Variants in AGO2 observed in about 807,000 individuals in gnomAD.
AGO2 encodes the protein argonaute RISC catalytic component 2, also known as protein argonaute-2.
In AGO2, 5 loss-of-function variants were observed where a neutral mutation model predicts 102.3. That is an observed-to-expected ratio of 0.05 (90% confidence interval 0.03 to 0.10). The LOEUF is 0.10. Among genes scored for constraint, AGO2 ranks in the 10% least tolerant of loss-of-function variants. The pLI is 1.00. For synonymous variants in AGO2, 449 were observed against 473.1 expected (o/e 0.95, Z 0.66); for missense variants, 541 against 1,183.7 (o/e 0.46, Z 7.97).
chr8:140,536,953 A>C (rs1324606372), intron 16 of AGO2, among the ~76,000 whole-genome samples: 3 of 152,132 alleles, frequency 2.0e-5, no homozygotes, highest in African/African-American at 7.2e-5. Flanking sequence ...AATTCATCTG[A>C]ATCTACAGAC....
chr8:140,534,888 A>G (rs2072668396), intron 17 of AGO2, among the ~76,000 whole-genome samples: 1 of 152,192 alleles, frequency 6.6e-6, no homozygotes, highest in Non-Finnish European at 1.5e-5. Flanking sequence ...TGCTCCTGTC[A>G]GTGCTCCCAA....
At chr8:140,579,892 G>C (rs1425374429) in intron 2 of AGO2, among the ~76,000 whole-genome samples, 1 of 152,252 alleles carries the variant, frequency 6.6e-6, no homozygotes, top group Non-Finnish European at 1.5e-5. Context: ...CAGCCATGCT[G>C]CCTGGCCCCC....
intron 10 of AGO2, among the ~76,000 whole-genome samples, chr8:140,555,254 C>T (rs773383722): frequency 1.3e-5 from 2 of 152,090 alleles, no homozygotes; most frequent in East Asian, 1.9e-4. Context: ...GGTATGCAAG[C>T]GAGCCCAGGA....
chr8:140,526,125 C>T lies in AGO2; in HGVS notation c.*5919G>A, dbSNP rs2072500974. ...CGTCTGCATTGTCTTTGAAACCATGCAACTATTTTAAATGTATTATTTGCA... is the reference window on the plus strand; with the variant it reads ...CGTCTGCATTGTCTTTGAAACCATGTAACTATTTTAAATGTATTATTTGCA... On this transcript the variant is annotated 3_prime_UTR_variant, in exon 19 of 19. Transcript: ENST00000220592. This position sits in a 1 kb window ranked among gnomAD's most constrained non-coding sequence, Gnocchi z 5.2. 1 of 152,142 alleles carries T rather than the reference C, an allele frequency of 6.6e-6. No homozygotes were observed. The highest frequency in any genetic ancestry group is 6.5e-5 in the Admixed American group (1 of 15,280). The allele number at this position is 152,142 out of a possible 1,614,324, so 9.4% of individuals were successfully genotyped here. A position where few individuals can be genotyped will look rare whatever the true frequency, so the allele number is the denominator to read the frequency against.
chr8:140,547,382 C>A, intron 13 of AGO2, 86 bp downstream of exon 13: 2 of 1,528,256 alleles, frequency 1.3e-6, no homozygotes, highest in Non-Finnish European at 1.8e-6. Flanking sequence ...ACCCTGCCCC[C>A]CTGCCCCCTG....
chr8:140,607,460 A>T (rs1308166914), intron 1 of AGO2, among the ~76,000 whole-genome samples: 42 of 2,364 alleles, frequency 0.018, 2 homozygotes, highest in Admixed American at 0.035. Flanking sequence ...AAGAAAAATT[A>T]TATATATATA....
intron 17 of AGO2, among the ~76,000 whole-genome samples, chr8:140,534,567 C>T (rs1462457443): frequency 6.6e-6 from 1 of 152,250 alleles, no homozygotes; most frequent in African/African-American, 2.4e-5. Flanking sequence ...CAGGCTGGAC[C>T]CGGCCCACAG....
chr8:140,533,729 C>T (rs937026091), intron 17 of AGO2, among the ~76,000 whole-genome samples: 4 of 151,984 alleles, frequency 2.6e-5, no homozygotes, highest in Non-Finnish European at 5.9e-5. Context: ...ATCGCTGGAA[C>T]CCGGGAGGCA....
At chr8:140,538,307 G>A (rs2072732755) in intron 16 of AGO2, among the ~76,000 whole-genome samples, 1 of 152,096 alleles carries the variant, frequency 6.6e-6, no homozygotes, top group Admixed American at 6.5e-5. Flanking sequence ...CTGCCTTCCG[G>A]TCCTCCCTTG....
intron 1 of AGO2, among the ~76,000 whole-genome samples, chr8:140,629,456 C>A (rs1050712559): frequency 6.6e-6 from 1 of 152,146 alleles, no homozygotes; most frequent in East Asian, 1.9e-4. Context: ...ACTTAACAGG[C>A]GAGAAAACTG....
rs532294468 is a variant in AGO2, at chr8:140,552,111, C to A, written c.1270-675G>T. ...CCATGCTACAGGCCTTGCCATGCTA[C>A]AGGAAGGCCTCCTGTTCTATACAGA... is the stretch of plus-strand genomic sequence containing the variant. On this transcript the variant is annotated intron_variant, in intron 10 of 18. Transcript: ENST00000220592. Among the ~76,000 whole-genome samples the A allele has an allele frequency of 7.9e-5, 12 of 152,324 alleles. No individual in the cohort carries two copies. The South Asian group carries it at 2.5e-3, about 32-fold the overall frequency.
At chr8:140,614,850 G>A (rs142004441) in intron 1 of AGO2, among the ~76,000 whole-genome samples, 283 of 152,256 alleles carry the variant, frequency 1.9e-3, no homozygotes, top group Middle Eastern at 3.4e-3. Flanking sequence ...CCGTGCCCTC[G>A]GTAACTGCTG....
chr8:140,565,567 G>A (rs1212985333), intron 3 of AGO2, among the ~76,000 whole-genome samples: 4 of 151,824 alleles, frequency 2.6e-5, no homozygotes, highest in Admixed American at 2.0e-4. Flanking sequence ...TTTGAACCCA[G>A]GAGGTGAAGG....
At chr8:140,616,661 CAG>C (rs2152104537) in intron 1 of AGO2, among the ~76,000 whole-genome samples, 1 of 152,316 alleles carries the variant, frequency 6.6e-6, no homozygotes, top group African/African-American at 2.4e-5. Context: ...GGAGCTGACA[CAG>C]GGGCAGCAGC....
At chr8:140,560,872 T>C (rs1486034557) in intron 4 of AGO2, among the ~76,000 whole-genome samples, 2 of 152,228 alleles carry the variant, frequency 1.3e-5, no homozygotes, top group African/African-American at 4.8e-5. Flanking sequence ...TCTTGGGGCC[T>C]GTGTCCCCAA....
At chr8:140,554,233 G>A (rs1184785649) in intron 10 of AGO2, among the ~76,000 whole-genome samples, 2 of 152,168 alleles carry the variant, frequency 1.3e-5, no homozygotes, top group African/African-American at 2.4e-5. Context: ...GGGGGATCAC[G>A]GGCTCTTCCT....
upstream of AGO2, chr8:140,636,556 G>T (rs1200976889): frequency 6.6e-6 from 1 of 152,268 alleles, no homozygotes; most frequent in Non-Finnish European, 1.5e-5. Flanking sequence ...TTCACCCCGT[G>T]GCATCGGCTG....
intron 1 of AGO2, among the ~76,000 whole-genome samples, chr8:140,615,886 A>G (rs924254107): frequency 6.6e-6 from 1 of 152,236 alleles, no homozygotes; most frequent in Non-Finnish European, 1.5e-5. Context: ...CCAAGCAAAC[A>G]ATGGGACCAA....
chr8:140,546,273 G>A (rs887846309), intron 13 of AGO2, among the ~76,000 whole-genome samples: 6 of 152,198 alleles, frequency 3.9e-5, no homozygotes, highest in African/African-American at 7.2e-5. Context: ...TGAATTCAAC[G>A]GACTGTTTCT....
Sources: gnomAD v4.1 joint callset for allele counts (sites outside exome capture counted in the v4.1 genomes callset) on GRCh38, gnomAD v4.1.1 for gene constraint, Gnocchi (gnomAD v3.1) non-coding constraint, MANE v1.5 for transcripts, NCBI Gene and HGNC (gene_info 2026-07-23, HGNC 2026-07-21) for gene names.